The following DCTN1 variants were observed in gnomAD, a reference collection of about 807,000 sequenced individuals.
DCTN1 encodes dynactin subunit 1.
In DCTN1, 61 loss-of-function variants were observed where a neutral mutation model predicts 161.2. That is an observed-to-expected ratio of 0.38 (90% CI 0.31 to 0.47). DCTN1 has a LOEUF of 0.47. Ranked by LOEUF, DCTN1 falls within the 20% of genes least tolerant of loss-of-function variation. The pLI, the probability that DCTN1 is intolerant of heterozygous loss-of-function variation, is 0.99. For synonymous variants in DCTN1, 653 were observed against 632.4 expected (o/e 1.03, Z -0.49); for missense variants, 1,404 against 1,623.7 (o/e 0.86, Z 2.33).
chr2:74,378,076 T>C lies in DCTN1; in HGVS notation c.203A>G (p.Lys68Arg). Residue 68 changes from lysine (K) to arginine (R), a missense_variant, in exon 2 of 32, where the codon AAA becomes AGA. This residue lies in a region of DCTN1 where 18 missense variants were observed against 53.0 expected (regional missense o/e 0.34). Transcript: ENST00000628224. ...CCTGCCTTGAACAGTTCCATCATTT[T>C]TGCCCTTTGCTTCATCCAGAATCAC... ...VGVILDEAKG[K>R]NDGTVQGRKY... The C allele has an allele frequency of 6.2e-7, 1 of 1,614,284 alleles. No individual in the cohort carries two copies. The highest frequency in any genetic ancestry group is 2.2e-5 in the East Asian group (1 of 44,894).
intron 1 of DCTN1, among the ~76,000 whole-genome samples, chr2:74,389,821 T>C (rs1675911831): frequency 6.6e-6 from 1 of 152,244 alleles, no homozygotes; most frequent in Non-Finnish European, 1.5e-5. Flanking sequence ...TAAAGTGTCA[T>C]ACATAAATAT....
At chr2:74,383,292 T>C (rs1255033808), upstream of DCTN1, among the ~76,000 whole-genome samples, 2 of 152,180 alleles carry the variant, frequency 1.3e-5, no homozygotes, top group African/African-American at 4.8e-5. Flanking sequence ...CCACACCTTT[T>C]CCTCTTTATG....
upstream of DCTN1, among the ~76,000 whole-genome samples, chr2:74,383,504 G>T (rs373905330): frequency 2.6e-5 from 4 of 152,224 alleles, no homozygotes; most frequent in Non-Finnish European, 5.9e-5. Context: ...ATTTTAGGAA[G>T]ATCAAACTGA....
upstream of DCTN1, among the ~76,000 whole-genome samples, chr2:74,383,376 C>G (rs1339854828): frequency 6.6e-6 from 1 of 152,134 alleles, no homozygotes; most frequent in East Asian, 1.9e-4. Context: ...TTGCAACATA[C>G]TGGGAGGTAA....
chr2:74,381,542 A>G (rs761085843), upstream of DCTN1, among the ~76,000 whole-genome samples: 1 of 151,998 alleles, frequency 6.6e-6, no homozygotes, highest in Non-Finnish European at 1.5e-5. Flanking sequence ...TCCTTTCCCT[A>G]TTCGCCATTA....
At chr2:74,378,335 G>C in intron 1 of DCTN1, 90 bp from the exon 2 acceptor site, 1 of 1,525,978 alleles carries the variant, frequency 6.6e-7, no homozygotes, top group Non-Finnish European at 8.9e-7. Flanking sequence ...CAAGATGCTG[G>C]ACTGAAAAAC....
chr2:74,364,090 CT>C (rs1558933837), intron 26 of DCTN1: 1 of 194,528 alleles, frequency 5.1e-6, no homozygotes, highest in Non-Finnish European at 1.1e-5. Flanking sequence ...AAAAGACCTT[CT>C]TTTTTGGTGG....
intron 1 of DCTN1, 97 bp from the exon 2 acceptor site, chr2:74,378,342 AAAC>A: frequency 6.7e-7 from 1 of 1,486,506 alleles, no homozygotes; most frequent in Non-Finnish European, 9.2e-7. Flanking sequence ...CTGGACTGAA[AAAC>A]AACCAGAGTC....
chr2:74,366,334 G>A lies in DCTN1; in HGVS notation c.2670C>T (p.Arg890=). The A allele has an allele frequency of 1.9e-6, 3 of 1,614,200 alleles. No individual in the cohort carries two copies. The highest frequency in any genetic ancestry group is 2.5e-6 in the Non-Finnish European group (3 of 1,180,038). The stretch of plus-strand genomic sequence containing the variant: ...TACTGATGAGGATGTTGCATGACTG[G>A]CGCAGACACTCATAGGGGCTGCTGG... ...TPSSSPYECL[R]QSCNILISTM... Residue 890 remains arginine (R), a synonymous_variant, in exon 23 of 32, where the codon CGC becomes CGT. Transcript: ENST00000628224.
At chr2:74,377,941 G>A in intron 2 of DCTN1, 59 bp downstream of exon 2, 2 of 1,607,754 alleles carry the variant, frequency 1.2e-6, no homozygotes, top group Non-Finnish European at 1.7e-6. Context: ...CAACACATCA[G>A]CTGCACATGC....
intron 1 of DCTN1, among the ~76,000 whole-genome samples, chr2:74,388,111 T>A (rs1347553658): frequency 6.6e-6 from 1 of 152,120 alleles, no homozygotes; most frequent in Admixed American, 6.5e-5. Flanking sequence ...CTGTAGTAGC[T>A]ATAGTCCCAA....
chr2:74,368,808 T>C lies in DCTN1; in HGVS notation c.1774A>G (p.Met592Val), dbSNP rs778331682. The C allele has an allele frequency of 6.8e-6, 11 of 1,614,156 alleles. No homozygotes were observed. Among genetic ancestry groups the C allele is most frequent in the Non-Finnish European group, 9.3e-6 (11 of 1,180,058 alleles). The change falls in exon 16 of 32, where the codon ATG becomes GTG. Residue 592 changes from methionine (M) to valine (V), a missense_variant. By Grantham distance (21) the Met-to-Val change is conservative. Transcript: ENST00000628224. ...NRHMSLLTAFMPDSFLRPGGD... is the reference protein window; with the variant it reads ...NRHMSLLTAFVPDSFLRPGGD... ...CCTGGCCGAAGGAAGCTGTCAGGCA[T>C]GAAGGCTGTCAGCAGGGACATGTGT...
intron 5 of DCTN1, 127 bp from the exon 6 acceptor site, chr2:74,374,467 AGGC>A: frequency 6.5e-7 from 1 of 1,548,306 alleles, no homozygotes; most frequent in South Asian, 1.2e-5. Flanking sequence ...ACAGAGGGAA[AGGC>A]GGCGGAGACA....
rs1199832273 is a variant in DCTN1 at position 74,371,696 on chromosome 2, C to T, written c.486G>A (p.Gly162=). 6.2e-7 allele frequency: 1 copy of T among 1,607,734 alleles called. No homozygotes were observed. Among genetic ancestry groups the T allele is most frequent in the Non-Finnish European group, 8.5e-7 (1 of 1,178,180 alleles). Residue 162 remains glycine (G), a synonymous_variant, in exon 8 of 32, where the codon GGG becomes GGA. Coordinates refer to ENST00000628224, the MANE Select transcript of DCTN1 (RefSeq NM_004082.5). ...PTRPASTGVA[G]ASSSLGPSGS... ...CAGAGGGGCCCAGGGAGCTACTGGCCCCAGCCACCCCAGTACTGGCTGGGC... is the reference window on the plus strand; with the variant it reads ...CAGAGGGGCCCAGGGAGCTACTGGCTCCAGCCACCCCAGTACTGGCTGGGC...
Position 74,370,748 on chromosome 2 carries a change from G to A in DCTN1, c.921C>T (p.Ala307=), listed in dbSNP as rs1049414575. Residue 307 remains alanine, a synonymous_variant, in exon 10 of 32, where the codon GCC becomes GCT. Transcript: ENST00000628224. This position sits in a 1 kb window ranked among gnomAD's most constrained non-coding sequence, Gnocchi z 4.4. The part of the protein sequence containing the change: ...MADTADAIEM[A]TLDKEMAEER... ...CTTCAGCCATCTCCTTGTCCAAAGT[G>A]GCCATCTCAATGGCATCAGCAGTAT... 6.2e-7 allele frequency: 1 copy of A among 1,614,176 alleles called. No individual in the cohort carries two copies. The highest frequency in any genetic ancestry group is 8.5e-7 in the Non-Finnish European group (1 of 1,180,028).
At chr2:74,390,897 A>T (rs1167441737) in intron 1 of DCTN1, among the ~76,000 whole-genome samples, 1 of 152,212 alleles carries the variant, frequency 6.6e-6, no homozygotes, top group Non-Finnish European at 1.5e-5. Context: ...AGCCAGAGGC[A>T]TCACCCAAGA....
chr2:74,368,546 C>T (rs1674592287), intron 16 of DCTN1, 182 bp downstream of exon 16: 2 of 818,610 alleles, frequency 2.4e-6, no homozygotes, highest in Admixed American at 4.3e-5. Flanking sequence ...CTCACAGAAC[C>T]TATCTCTCCT....
At position 74,363,744 on chromosome 2, in the gene DCTN1, T is replaced by C. The variant is rs559244009; in HGVS notation, c.3197-116A>G. 29 of 1,335,860 alleles carry C rather than the reference T, an allele frequency of 2.2e-5. No homozygotes were observed. The Admixed American group carries it at 4.1e-4, about 19-fold the overall frequency. 82.8% of individuals were successfully genotyped at this position (1,335,860 alleles called of 1,614,324 possible). On this transcript the variant is annotated intron_variant, in intron 26 of 31. Coordinates refer to ENST00000628224, the MANE Select transcript of DCTN1 (RefSeq NM_004082.5). The stretch of plus-strand genomic sequence containing the variant: ...GGACACAACCTGCAGGAAAACCCTT[T>C]TCCTAATCATCATACTTTCTCTAAC...
intron 26 of DCTN1, chr2:74,364,692 T>C (rs1454417726): frequency 3.0e-6 from 1 of 333,550 alleles, no homozygotes; most frequent in African/African-American, 2.1e-5. Context: ...AGAGAAGCAA[T>C]CAAGAGCAGG....
Sources: allele counts gnomAD v4.1 joint callset (sites outside exome capture counted in the v4.1 genomes callset), GRCh38; gene constraint gnomAD v4.1.1; regional missense constraint gnomAD v4.1.1; non-coding constraint Gnocchi (gnomAD v3.1); transcripts MANE v1.5; gene names NCBI Gene and HGNC (gene_info 2026-07-23, HGNC 2026-07-21).